Variants in NRXN3 observed in about 807,000 individuals in gnomAD.
NRXN3 encodes neurexin III.
In NRXN3, 32 loss-of-function variants were observed where a neutral mutation model predicts 137.6. The observed-to-expected ratio is 0.23, with a 90% confidence interval of 0.18 to 0.31. The LOEUF (loss-of-function observed/expected upper bound fraction) is 0.31. Ranked by LOEUF, NRXN3 falls within the 10% of genes least tolerant of loss-of-function variation. NRXN3 has a pLI of 1.00. For synonymous variants in NRXN3, 798 were observed against 784.5 expected, an observed-to-expected ratio of 1.02 and a Z score of -0.29; for missense variants, 1,574 against 2,062.5, an observed-to-expected ratio of 0.76 and a Z score of 4.59.
chr14:79,391,129 A>T (rs968721658), intron 15 of NRXN3, among the ~76,000 whole-genome samples: 4 of 152,170 alleles, frequency 2.6e-5, no homozygotes, highest in Admixed American at 6.6e-5. Flanking sequence ...TAATGGACTT[A>T]GTCACCAACT....
chr14:79,453,943 C>T (rs2096217815), intron 15 of NRXN3, among the ~76,000 whole-genome samples: 1 of 152,060 alleles, frequency 6.6e-6, no homozygotes, highest in Non-Finnish European at 1.5e-5. Flanking sequence ...CTCTAAATCC[C>T]CATGGTCACA....
intron 5 of NRXN3, 133 bp from the exon 6 acceptor site, chr14:78,651,032 C>A: frequency 1.1e-6 from 1 of 902,100 alleles, no homozygotes; most frequent in Non-Finnish European, 1.6e-6. Context: ...ATACCAAAAT[C>A]AAATCAAATT....
rs185216668 is a variant in NRXN3, at chr14:79,361,546, G to A, written c.3263-105675G>A. On this transcript the variant is annotated intron_variant, in intron 15 of 20. Transcript: ENST00000335750. Reference sequence around the variant, plus strand: ...AGCCTGGCCAACATGGTGACACCCCGTCTCTATAAAAAATATAAAAATTAG... The same window carrying A: ...AGCCTGGCCAACATGGTGACACCCCATCTCTATAAAAAATATAAAAATTAG... Among the ~76,000 whole-genome samples the A allele has an allele frequency of 5.0e-3, 768 of 152,108 alleles. 5 individuals are homozygous for A. Among genetic ancestry groups the A allele is most frequent in the African/African-American group, 0.017 (718 of 41,494 alleles).
chr14:78,687,182 A>G (rs1382985864), intron 6 of NRXN3, among the ~76,000 whole-genome samples: 1 of 152,224 alleles, frequency 6.6e-6, no homozygotes, highest in Non-Finnish European at 1.5e-5. Context: ...GTCAAGTTAT[A>G]TAAAGCCTTT....
chr14:78,909,949 A>G (rs1310304580), intron 10 of NRXN3, among the ~76,000 whole-genome samples: 1 of 152,032 alleles, frequency 6.6e-6, no homozygotes, highest in Admixed American at 6.6e-5. Context: ...TATTCATATA[A>G]ATTTGTTTAA....
chr14:79,215,481 T>G (rs1314849218), intron 15 of NRXN3, among the ~76,000 whole-genome samples: 1 of 152,184 alleles, frequency 6.6e-6, no homozygotes, highest in East Asian at 1.9e-4. Flanking sequence ...AGAAGTTTAA[T>G]GTACTCACAA....
At chr14:78,184,580 A>C (rs925705588) in intron 1 of NRXN3, among the ~76,000 whole-genome samples, 9 of 152,204 alleles carry the variant, frequency 5.9e-5, no homozygotes, top group African/African-American at 1.9e-4. Context: ...AAAGACTCTA[A>C]CCTTTTATTT....
At chr14:79,710,630 G>T (rs946517289) in intron 19 of NRXN3, among the ~76,000 whole-genome samples, 1 of 152,136 alleles carries the variant, frequency 6.6e-6, no homozygotes, top group African/African-American at 2.4e-5. Flanking sequence ...GTTTATGAGG[G>T]CATGAGATAT....
At chr14:78,659,256 G>C (rs970287562) in intron 6 of NRXN3, among the ~76,000 whole-genome samples, 1 of 152,108 alleles carries the variant, frequency 6.6e-6, no homozygotes, top group Non-Finnish European at 1.5e-5. Context: ...CTGAAACCTT[G>C]AACTTGGACT....
chr14:79,050,740 C>T (rs2099640635), intron 15 of NRXN3, among the ~76,000 whole-genome samples: 1 of 152,218 alleles, frequency 6.6e-6, no homozygotes, highest in African/African-American at 2.4e-5. Context: ...TCTCCCAGCT[C>T]CCCTGACTGC....
intron 15 of NRXN3, 49 bp from the exon 16 acceptor site, chr14:79,467,172 T>A (rs755711222): frequency 6.5e-7 from 1 of 1,535,662 alleles, no homozygotes; most frequent in Non-Finnish European, 8.9e-7. Context: ...TACAGCTGGC[T>A]GTATGCAATG....
chr14:79,561,712 G>A (rs2097499760), intron 16 of NRXN3, among the ~76,000 whole-genome samples: 3 of 152,064 alleles, frequency 2.0e-5, no homozygotes, highest in Non-Finnish European at 2.9e-5. Flanking sequence ...AAAGGTAGCA[G>A]TTGGCAGGGC....
At chr14:78,444,087 A>T (rs1257526471) in intron 4 of NRXN3, among the ~76,000 whole-genome samples, 1 of 152,218 alleles carries the variant, frequency 6.6e-6, no homozygotes, top group Admixed American at 6.5e-5. Context: ...ATCAAATCAG[A>T]GTTAGGGCTT....
chr14:78,865,621 G>A (rs1214799523), intron 10 of NRXN3, among the ~76,000 whole-genome samples: 1 of 152,136 alleles, frequency 6.6e-6, no homozygotes, highest in Non-Finnish European at 1.5e-5. Context: ...TATACATTGT[G>A]ACATGCTCAA....
chr14:79,066,376 G>C (rs2099680783), intron 15 of NRXN3, among the ~76,000 whole-genome samples: 1 of 152,132 alleles, frequency 6.6e-6, no homozygotes, highest in Admixed American at 6.6e-5. Context: ...GTACCATGCT[G>C]TTTTGGTTAC....
intron 4 of NRXN3, among the ~76,000 whole-genome samples, chr14:78,537,136 T>TG (rs2096543956): frequency 6.6e-6 from 1 of 152,222 alleles, no homozygotes; most frequent in Admixed American, 6.5e-5. Context: ...ATGGGATTGC[T>TG]GGGTCCAATC....
chr14:78,911,530 TAAGGCTGCTGTGGAA>T (rs2099237626), intron 10 of NRXN3, among the ~76,000 whole-genome samples: 1 of 152,180 alleles, frequency 6.6e-6, no homozygotes, highest in Non-Finnish European at 1.5e-5. Flanking sequence ...GCTGAGGACA[TAAGGCTGCTGTGGAA>T]AAGGGAGTAA....
At chr14:78,377,040 A>T (rs972514355) in intron 4 of NRXN3, among the ~76,000 whole-genome samples, 1 of 152,236 alleles carries the variant, frequency 6.6e-6, no homozygotes, top group Non-Finnish European at 1.5e-5. Flanking sequence ...AACAGAGAAA[A>T]TAAAAGAAAT....
chr14:79,513,689 A>G (rs906632814), intron 16 of NRXN3, among the ~76,000 whole-genome samples: 3 of 152,208 alleles, frequency 2.0e-5, no homozygotes. Context: ...CTTGTTCAGC[A>G]CTTCAGGAGC....
Sources: gnomAD v4.1 joint callset for allele counts (sites outside exome capture counted in the v4.1 genomes callset) on GRCh38, gnomAD v4.1.1 for gene constraint, MANE v1.5 for transcripts, NCBI Gene and HGNC (gene_info 2026-07-23, HGNC 2026-07-21) for gene names.